KIAA0825: variants seen among roughly 807,000 people sequenced by gnomAD.
KIAA0825 encodes uncharacterized protein KIAA0825.
A neutral mutation model predicts 147.6 loss-of-function variants in KIAA0825; 119 were observed. The observed-to-expected ratio is 0.81, with a 90% CI of 0.69 to 0.94. The LOEUF (loss-of-function observed/expected upper bound fraction) is 0.94. Among genes scored for constraint, KIAA0825 ranks in the 40% least tolerant of loss-of-function variants. The pLI, the probability that KIAA0825 is intolerant of heterozygous loss-of-function variation, is 0.00. For missense variants in KIAA0825, 1,381 were observed against 1,472.7 expected (o/e 0.94, Z 1.02); for synonymous variants, 470 against 518.1 (o/e 0.91, Z 1.26).
At chr5:94,580,004 A>G (rs1273040591) in intron 2 of KIAA0825, among the ~76,000 whole-genome samples, 2 of 152,200 alleles carry the variant, frequency 1.3e-5, no homozygotes, top group Non-Finnish European at 2.9e-5. Flanking sequence ...TTTATCAAAA[A>G]TGTGGTGATT....
intron 14 of KIAA0825, among the ~76,000 whole-genome samples, chr5:94,427,042 ATCTTG>A (rs1167844170): frequency 6.6e-6 from 1 of 152,162 alleles, no homozygotes; most frequent in Non-Finnish European, 1.5e-5. Flanking sequence ...AATATTTTTT[ATCTTG>A]TCTTGTATAT....
chr5:94,581,277 T>C (rs1782129818), intron 2 of KIAA0825, among the ~76,000 whole-genome samples: 1 of 152,238 alleles, frequency 6.6e-6, no homozygotes, highest in Non-Finnish European at 1.5e-5. Flanking sequence ...ACATTTTTCT[T>C]AATCAAATAC....
chr5:94,327,933 GA>G (rs113594940), intron 20 of KIAA0825, among the ~76,000 whole-genome samples: 114 of 152,264 alleles, frequency 7.5e-4, no homozygotes, highest in African/African-American at 2.6e-3. Context: ...TTGAACCTGG[GA>G]GGCAGGGGTT....
At chr5:94,562,901 T>A (rs1777802492) in intron 2 of KIAA0825, among the ~76,000 whole-genome samples, 1 of 152,196 alleles carries the variant, frequency 6.6e-6, no homozygotes, top group Admixed American at 6.5e-5. Context: ...GTGCTTTAAC[T>A]ATTAAATAAA....
At chr5:94,523,530 C>G (rs1433783614) in intron 4 of KIAA0825, among the ~76,000 whole-genome samples, 1 of 151,480 alleles carries the variant, frequency 6.6e-6, no homozygotes, top group African/African-American at 2.4e-5. Flanking sequence ...AGACACAATA[C>G]ATGGGGATCT....
At chr5:94,529,468 G>GT (rs1584791503) in intron 3 of KIAA0825, among the ~76,000 whole-genome samples, 1 of 113,174 alleles carries the variant, frequency 8.8e-6, no homozygotes, top group South Asian at 2.6e-4. Flanking sequence ...TATATATATT[G>GT]TGTGTATATA....
At chr5:94,165,929 G>C (rs552808065) in intron 20 of KIAA0825, among the ~76,000 whole-genome samples, 1 of 152,204 alleles carries the variant, frequency 6.6e-6, no homozygotes, top group Middle Eastern at 3.4e-3. Context: ...CAATGAATAA[G>C]ACCTACTATT....
intron 20 of KIAA0825, among the ~76,000 whole-genome samples, chr5:94,158,918 G>GATT (rs1292063488): frequency 6.6e-6 from 1 of 152,176 alleles, no homozygotes; most frequent in African/African-American, 2.4e-5. Context: ...TTATGATGAT[G>GATT]ATTATTATTA....
At chr5:94,190,133 G>T (rs1430124102) in intron 20 of KIAA0825, among the ~76,000 whole-genome samples, 1 of 151,948 alleles carries the variant, frequency 6.6e-6, no homozygotes, top group Non-Finnish European at 1.5e-5. Flanking sequence ...TTTGTATCCT[G>T]CAATCTTGCT....
intron 17 of KIAA0825, among the ~76,000 whole-genome samples, chr5:94,392,397 T>A (rs1286236155): frequency 6.6e-6 from 1 of 152,206 alleles, no homozygotes; most frequent in African/African-American, 2.4e-5. Flanking sequence ...CTAAAACATT[T>A]CTTTTAGAAT....
chr5:94,152,843 AAAAAAAAAAAAATTATATATATAT>A lies in KIAA0825; in HGVS notation c.*1140_*1163del, dbSNP rs1766616211. 2.8e-5 allele frequency: 1 copy of A among 35,678 alleles called. No individual in the cohort carries two copies. The highest frequency in any genetic ancestry group is 5.5e-5 in the Non-Finnish European group (1 of 18,222). 2.2% of individuals were successfully genotyped at this position (35,678 alleles called of 1,614,324 possible). On this transcript the variant is annotated 3_prime_UTR_variant, in exon 21 of 21. Transcript: ENST00000682413. ...AATGAAAAAAAAAAAAAAAAAAAAA[AAAAAAAAAAAAATTATATATATAT>A]ATATATATATATATATATATATATA...
intron 5 of KIAA0825, among the ~76,000 whole-genome samples, chr5:94,505,928 C>G (rs1765683993): frequency 6.6e-6 from 1 of 152,114 alleles, no homozygotes; most frequent in African/African-American, 2.4e-5. Flanking sequence ...ACTGAAAGTC[C>G]TGAGTTAATA....
intron 20 of KIAA0825, among the ~76,000 whole-genome samples, chr5:94,327,725 T>C (rs1314794504): frequency 6.6e-6 from 1 of 152,126 alleles, no homozygotes; most frequent in Non-Finnish European, 1.5e-5. Context: ...CTCATGTTTT[T>C]GGCTGGGTGC....
At chr5:94,561,315 C>CT (rs1357752164) in intron 2 of KIAA0825, among the ~76,000 whole-genome samples, 1 of 152,228 alleles carries the variant, frequency 6.6e-6, no homozygotes, top group Non-Finnish European at 1.5e-5. Flanking sequence ...ATGCATCTCT[C>CT]TCATTTGGCT....
chr5:94,187,114 A>G (rs966695426), intron 20 of KIAA0825, among the ~76,000 whole-genome samples: 4 of 152,194 alleles, frequency 2.6e-5, no homozygotes, highest in African/African-American at 7.2e-5. Context: ...ATCGGAATTG[A>G]GAAAGACTGG....
At chr5:94,174,010 A>G in intron 20 of KIAA0825, among the ~76,000 whole-genome samples, 1 of 152,206 alleles carries the variant, frequency 6.6e-6, no homozygotes, top group East Asian at 1.9e-4. Flanking sequence ...AATGTGGAAT[A>G]CATCACGTAT....
intron 5 of KIAA0825, among the ~76,000 whole-genome samples, chr5:94,492,327 A>T (rs1763829888): frequency 6.6e-6 from 1 of 152,196 alleles, no homozygotes; most frequent in South Asian, 2.1e-4. Flanking sequence ...TATACGAGTT[A>T]ACACAGAACT....
chr5:94,323,346 A>G (rs896189366), intron 20 of KIAA0825, among the ~76,000 whole-genome samples: 1 of 151,932 alleles, frequency 6.6e-6, no homozygotes, highest in African/African-American at 2.4e-5. Flanking sequence ...ACATCTATGA[A>G]AATAAAACAT....
At chr5:94,249,622 A>C (rs1208164244) in intron 20 of KIAA0825, among the ~76,000 whole-genome samples, 2 of 151,968 alleles carry the variant, frequency 1.3e-5, no homozygotes, top group Non-Finnish European at 2.9e-5. Flanking sequence ...CAGGGCTCTG[A>C]TAACCTGCTG....
Sources: allele counts gnomAD v4.1 joint callset (sites outside exome capture counted in the v4.1 genomes callset), GRCh38; gene constraint gnomAD v4.1.1; transcripts MANE v1.5; gene names NCBI Gene and HGNC (gene_info 2026-07-23, HGNC 2026-07-21).